The following FANCD2 variants were observed in gnomAD, a reference collection of about 807,000 sequenced individuals.
FANCD2 encodes the protein Fanconi anemia group D2 protein.
In FANCD2, 131 loss-of-function variants were observed where a neutral mutation model predicts 192.3. The ratio of observed to expected loss-of-function variants is 0.68; its 90% CI spans 0.59 to 0.79. The LOEUF is 0.79. Ranked by LOEUF, FANCD2 falls within the 30% of genes least tolerant of loss-of-function variation. The probability of loss-of-function intolerance (pLI) is 0.00; values close to 1 mark genes in which losing one functional copy is unlikely to be tolerated. For missense variants in FANCD2, 1,508 were observed against 1,701.6 expected (o/e 0.89, Z 2.00); for synonymous variants, 524 against 612.5 (o/e 0.86, Z 2.13).
rs1432194050 is a variant in FANCD2, at chr3:10,043,392, A to G, written c.990-92A>G. On this transcript the variant is annotated intron_variant, in intron 12 of 43. Transcript: ENST00000675286. ...TAGCCATCTTATACATGAGGTTGTCATTTGCTCCAGGGTACATGGCAGGAA... is the reference window on the plus strand; with the variant it reads ...TAGCCATCTTATACATGAGGTTGTCGTTTGCTCCAGGGTACATGGCAGGAA... The G allele has an allele frequency of 5.8e-6, 6 of 1,033,586 alleles. No homozygotes were observed. In the Admixed American group the frequency reaches 9.3e-5, roughly 16 times the overall value. The allele number at this position is 1,033,586 out of a possible 1,614,324, so 64.0% of individuals were successfully genotyped here.
At chr3:10,043,285 T>C (rs960752163) in intron 12 of FANCD2, 135 bp downstream of exon 12, 20 of 805,730 alleles carry the variant, frequency 2.5e-5, no homozygotes, top group Non-Finnish European at 4.2e-5. Context: ...TCAAATTACA[T>C]ATATGTATGT....
chr3:10,057,211 A>G (rs1310973381), intron 18 of FANCD2, among the ~76,000 whole-genome samples: 2 of 152,122 alleles, frequency 1.3e-5, no homozygotes, highest in Non-Finnish European at 2.9e-5. Flanking sequence ...AGTTATTTAT[A>G]TATTCTGGAT....
chr3:10,078,440 C>T (rs989887217), intron 30 of FANCD2, among the ~76,000 whole-genome samples: 49 of 151,638 alleles, frequency 3.2e-4, no homozygotes, highest in African/African-American at 1.1e-3. Flanking sequence ...CTGCAAGCTC[C>T]GCCTCCCGGG....
chr3:10,070,506 G>T (rs1190776775), intron 26 of FANCD2, among the ~76,000 whole-genome samples: 1 of 112,572 alleles, frequency 8.9e-6, no homozygotes, highest in African/African-American at 3.9e-5. Flanking sequence ...AGGGAGGTGG[G>T]GGGGGTCAGC....
rs2125086004 is a variant in FANCD2, at chr3:10,092,172, C to T, written c.3778-9C>T. 6.2e-7 allele frequency: 1 copy of T among 1,609,878 alleles called. No individual in the cohort carries two copies. Among genetic ancestry groups the T allele is most frequent in the South Asian group, 1.1e-5 (1 of 91,004 alleles). On this transcript the variant is annotated splice_polypyrimidine_tract_variant and intron_variant, in intron 37 of 43. Coordinates refer to ENST00000675286, the MANE Select transcript of FANCD2 (RefSeq NM_001018115.3). ...GACTCAGAGGTGCCCATATATTTGG[C>T]TGCCCCAGATTCATGAAGAGAAACT...
At chr3:10,053,401 T>C (rs34760051) in intron 18 of FANCD2, among the ~76,000 whole-genome samples, 16,101 of 148,572 alleles carry the variant, frequency 0.11, 1,006 homozygotes, top group African/African-American at 0.12. Flanking sequence ...GCGGGAGGGA[T>C]AGCATTGGGA....
rs1174191979 is a variant in FANCD2 at position 10,081,475 on chromosome 3, G to T, written c.3224+11G>T. 6.4e-7 allele frequency: 1 copy of T among 1,557,830 alleles called. No individual in the cohort carries two copies. On this transcript the variant is annotated intron_variant, in intron 32 of 43. Coordinates refer to ENST00000675286, the MANE Select transcript of FANCD2 (RefSeq NM_001018115.3). Reference sequence around the variant, plus strand: ...TGGGCTTTTTGCTTGGTAAGTATGTGGGAAGTGTGGAGAGAACTGAGTATA... The same window carrying T: ...TGGGCTTTTTGCTTGGTAAGTATGTTGGAAGTGTGGAGAGAACTGAGTATA...
chr3:10,088,947 C>T lies in FANCD2; in HGVS notation c.3680C>T (p.Thr1227Ile), dbSNP rs1559404981. Residue 1227 changes from threonine (T) to isoleucine (I), a missense_variant, in exon 36 of 44, where the codon ACC becomes ATC. Physicochemically the swap from Thr to Ile is moderately conservative, Grantham distance 89 (BLOSUM62 -1). Around this residue, in one of 5 missense-constraint regions of FANCD2, gnomAD observed 796 missense variants for 879.4 expected, o/e 0.91. Coordinates refer to ENST00000675286, the MANE Select transcript of FANCD2 (RefSeq NM_001018115.3). The stretch of plus-strand genomic sequence containing the variant: ...TCTTCCTCCACATTCCCTACACTGA[C>T]CAGGTAAGGGAGTTCTTTCCTCCAG... ...DASSSTFPTL[T>I]RHTFVVFFRV... 1 of 1,614,010 alleles carries T rather than the reference C, an allele frequency of 6.2e-7. No homozygotes were observed. Among genetic ancestry groups the T allele is most frequent in the Middle Eastern group, 1.7e-4 (1 of 6,058 alleles).
chr3:10,061,351 C>T lies in FANCD2; in HGVS notation c.1767-800C>T, dbSNP rs1181908568. On this transcript the variant is annotated intron_variant, in intron 19 of 43. Coordinates refer to ENST00000675286, the MANE Select transcript of FANCD2 (RefSeq NM_001018115.3). ...CCTCTAACCCCACCCCAACCGCCACCGGCTCAGATAGTCATCACTCCCCTG... is the reference window on the plus strand; with the variant it reads ...CCTCTAACCCCACCCCAACCGCCACTGGCTCAGATAGTCATCACTCCCCTG... Among the ~76,000 whole-genome samples, 14 of 152,284 alleles carry T rather than the reference C, an allele frequency of 9.2e-5. No homozygotes were observed. The South Asian group carries it at 1.9e-3, about 20-fold the overall frequency.
chr3:10,060,194 C>A, intron 18 of FANCD2, 100 bp from the exon 19 acceptor site: 12 of 716,782 alleles, frequency 1.7e-5, no homozygotes, highest in Non-Finnish European at 2.6e-5. Flanking sequence ...AGTTAGTAAA[C>A]GGTAAACGCC....
In FANCD2 at chr3:10,065,864, A is replaced by G. The variant is rs779060030; in HGVS notation, c.2270A>G (p.Asp757Gly). The change falls in exon 25 of 44, where the codon GAT becomes GGT. Residue 757 changes from aspartate (D) to glycine (G), a missense_variant and splice_region_variant. By Grantham distance (94) the Asp-to-Gly change is moderately conservative. Transcript: ENST00000675286. Reference protein sequence around the residue: ...GNLEEIDGLLDCPIFLTDLEP... With the variant: ...GNLEEIDGLLGCPIFLTDLEP... The stretch of plus-strand genomic sequence containing the variant: ...GTTGGAAATGTTTGTTCTCTCTCAG[A>G]TTGTCCTATATTCCTAACTGACCTG... 3 of 1,592,096 alleles carry G rather than the reference A, an allele frequency of 1.9e-6. No individual in the cohort carries two copies. The highest frequency in any genetic ancestry group is 2.6e-6 in the Non-Finnish European group (3 of 1,160,112).
chr3:10,037,967 G>A (rs183305533), intron 7 of FANCD2, among the ~76,000 whole-genome samples: 182 of 152,220 alleles, frequency 1.2e-3, no homozygotes, highest in Non-Finnish European at 2.0e-3. Flanking sequence ...TTTTTTCAGA[G>A]TCCTGATACA....
At chr3:10,054,638 C>A (rs1345744652) in intron 18 of FANCD2, among the ~76,000 whole-genome samples, 1 of 149,094 alleles carries the variant, frequency 6.7e-6, no homozygotes, top group Non-Finnish European at 1.5e-5. Context: ...CGCCCGCCAC[C>A]ACGCCCGGCT....
At chr3:10,096,588 T>G in intron 42 of FANCD2, 116 bp downstream of exon 42, 2 of 959,704 alleles carry the variant, frequency 2.1e-6, no homozygotes, top group Non-Finnish European at 3.3e-6. Context: ...TACTTTTCTC[T>G]TAAGTCTGTG....
rs368812039 is a variant in FANCD2 at position 10,040,910 on chromosome 3, T to A, written c.696-713T>A. 15 of 183,214 alleles carry A rather than the reference T, an allele frequency of 8.2e-5. 2 individuals are homozygous for A. In the East Asian group the frequency reaches 8.5e-4, roughly 10 times the overall value. The allele number at this position is 183,214 out of a possible 1,614,324, so 11.3% of individuals were successfully genotyped here. ...TTTTTTTTTTTAGCATCTGTCACCG[T>A]CTGTTGGGCGCAGTGGCTCATGCCT... On this transcript the variant is annotated intron_variant, in intron 9 of 43. Transcript: ENST00000675286.
rs776210193 is a variant in FANCD2, at chr3:10,087,167, A to C, written c.3369A>C (p.Gln1123His). The change falls in exon 34 of 44, where the codon CAA becomes CAC. Residue 1123 changes from glutamine (Q) to histidine (H), a missense_variant. By Grantham distance (24) the Gln-to-His change is conservative. Around this residue, in one of 5 missense-constraint regions of FANCD2, gnomAD observed 796 missense variants for 879.4 expected, o/e 0.91. Coordinates refer to ENST00000675286, the MANE Select transcript of FANCD2 (RefSeq NM_001018115.3). ...TCCATTACTTGCAGAATTTCCATCAAAGCATTCCCAGTTTCCAGTGTGCTC... is the reference window on the plus strand; with the variant it reads ...TCCATTACTTGCAGAATTTCCATCACAGCATTCCCAGTTTCCAGTGTGCTC... ...QSVHYLQNFH[Q>H]SIPSFQCALY... 1.9e-6 allele frequency: 3 copies of C among 1,614,020 alleles called. No individual in the cohort carries two copies. The highest frequency in any genetic ancestry group is 2.5e-6 in the Non-Finnish European group (3 of 1,179,976).
chr3:10,054,587 C>G (rs1166686029), intron 18 of FANCD2, among the ~76,000 whole-genome samples: 2 of 144,448 alleles, frequency 1.4e-5, no homozygotes, highest in Non-Finnish European at 1.5e-5. Flanking sequence ...AGGTTCCCGC[C>G]ATTCTCCTGC....
In FANCD2 at chr3:10,065,975, G is replaced by A. The variant is rs754523292; in HGVS notation, c.2381G>A (p.Arg794Gln). ...ATATTTCTTACTCTCAACTGGTTCC[G>A]AGAGGTGAGCAGAGTTAATAGGATG... ...SLIFLTLNWF[R>Q]EIVNAFCQET... Residue 794 changes from arginine to glutamine, a missense_variant, in exon 25 of 44, where the codon CGA becomes CAA. Arg to Gln is a conservative substitution (Grantham distance 43). This residue lies in a region of FANCD2 where 796 missense variants were observed against 879.4 expected (regional missense o/e 0.91). Coordinates refer to ENST00000675286, the MANE Select transcript of FANCD2 (RefSeq NM_001018115.3). 2.3e-5 allele frequency: 36 copies of A among 1,583,806 alleles called. No homozygotes were observed. Among genetic ancestry groups the A allele is most frequent in the Middle Eastern group, 1.7e-4 (1 of 6,006 alleles).
At chr3:10,062,808 C>T (rs1179817235) in intron 20 of FANCD2, among the ~76,000 whole-genome samples, 4 of 152,082 alleles carry the variant, frequency 2.6e-5, no homozygotes, top group African/African-American at 7.2e-5. Flanking sequence ...GCCTCAGCCT[C>T]CCAAGTAGCT....
Sources: allele counts gnomAD v4.1 joint callset (sites outside exome capture counted in the v4.1 genomes callset), GRCh38; gene constraint gnomAD v4.1.1; regional missense constraint gnomAD v4.1.1; transcripts MANE v1.5; gene names NCBI Gene and HGNC (gene_info 2026-07-23, HGNC 2026-07-21).